Variants in DOCK2 observed in about 807,000 individuals in gnomAD.
DOCK2 encodes the protein dedicator of cytokinesis protein 2.
Under a neutral mutation model 248.9 loss-of-function variants are expected in DOCK2, and 87 were observed. The observed-to-expected ratio is 0.35, with a 90% CI of 0.29 to 0.42. The LOEUF (loss-of-function observed/expected upper bound fraction) is 0.42, where lower values mean the gene tolerates loss of function less well. DOCK2 is among the 10% of genes least tolerant of loss of function. DOCK2 has a pLI of 1.00. For synonymous variants in DOCK2, 805 were observed against 821.6 expected, an observed-to-expected ratio of 0.98 and a Z score of 0.35; for missense variants, 1,747 against 2,300.2, an observed-to-expected ratio of 0.76 and a Z score of 4.92.
At chr5:169,693,570 G>A (rs1760430186) in intron 9 of DOCK2, among the ~76,000 whole-genome samples, 1 of 152,176 alleles carries the variant, frequency 6.6e-6, no homozygotes, top group Admixed American at 6.5e-5. Context: ...GCAGGCCAGA[G>A]ACAAGGCTGT....
intron 22 of DOCK2, among the ~76,000 whole-genome samples, chr5:169,731,246 A>G (rs1051265220): frequency 6.6e-6 from 1 of 152,170 alleles, no homozygotes; most frequent in African/African-American, 2.4e-5. Context: ...CCCAAATCTC[A>G]TCTTGAATTG....
At position 169,763,705 on chromosome 5, in the gene DOCK2, T is replaced by G. The variant is rs1380788045; in HGVS notation, c.2554+2080T>G. Among the ~76,000 whole-genome samples the G allele has an allele frequency of 1.3e-5, 2 of 152,174 alleles. No individual in the cohort carries two copies. Among genetic ancestry groups the G allele is most frequent in the Non-Finnish European group, 2.9e-5 (2 of 68,028 alleles). Reference sequence around the variant, plus strand: ...TAGAAACCCTCTGATTAATATTAACTGACAGAAGGCCAGCCCTGGCGTTGT... The same window carrying G: ...TAGAAACCCTCTGATTAATATTAACGGACAGAAGGCCAGCCCTGGCGTTGT... On this transcript the variant is annotated intron_variant, in intron 25 of 51. Coordinates refer to ENST00000520908, the MANE Select transcript of DOCK2 (RefSeq NM_004946.3). This position sits in a 1 kb window ranked among gnomAD's most constrained non-coding sequence, Gnocchi z 4.1.
intron 22 of DOCK2, among the ~76,000 whole-genome samples, chr5:169,723,567 C>T (rs1183101774): frequency 3.3e-5 from 5 of 152,124 alleles, no homozygotes; most frequent in Admixed American, 3.3e-4. Context: ...CTGACTTTAT[C>T]TCCTGCTACT....
In DOCK2 at chr5:170,010,745, CTGTACAACAGCAGAG is replaced by C. The variant is rs1466490074; in HGVS notation, c.3232+2000_3232+2014del. On this transcript the variant is annotated intron_variant, in intron 32 of 51. Coordinates refer to ENST00000520908, the MANE Select transcript of DOCK2 (RefSeq NM_004946.3). ...TTCACTTCCAAGTTTGCATTCGTTG[CTGTACAACAGCAGAG>C]GCTGGAGAAAGCTGTGGCGGGCTTC... Among the ~76,000 whole-genome samples the C allele has an allele frequency of 8.5e-5, 13 of 152,348 alleles. 1 individual carries two copies. Among genetic ancestry groups the C allele is most frequent in the Admixed American group, 6.5e-4 (10 of 15,308 alleles).
chr5:169,687,801 C>A (rs1760074346), intron 8 of DOCK2, among the ~76,000 whole-genome samples: 1 of 152,184 alleles, frequency 6.6e-6, no homozygotes, highest in African/African-American at 2.4e-5. Context: ...CCTCATAAAA[C>A]CCTCCAATGG....
intron 27 of DOCK2, chr5:169,934,532 G>A (rs927063468): frequency 1.0e-4 from 43 of 416,690 alleles, no homozygotes; most frequent in Non-Finnish European, 2.0e-4. Context: ...ATTTCTTCCA[G>A]CCTAATTGTA....
At chr5:169,902,723 C>T (rs1161072222) in intron 27 of DOCK2, among the ~76,000 whole-genome samples, 1 of 152,136 alleles carries the variant, frequency 6.6e-6, no homozygotes, top group African/African-American at 2.4e-5. Context: ...CCTTAATCTG[C>T]AGAAAATGGG....
At chr5:170,081,762 C>G in intron 50 of DOCK2, 80 bp from the exon 51 acceptor site, 4 of 1,174,530 alleles carry the variant, frequency 3.4e-6, no homozygotes, top group South Asian at 1.6e-5. Flanking sequence ...TGTCCCCCAG[C>G]CCTCCCCCTG....
intron 23 of DOCK2, among the ~76,000 whole-genome samples, chr5:169,758,612 C>T (rs1764319595): frequency 6.6e-6 from 1 of 152,174 alleles, no homozygotes; most frequent in South Asian, 2.1e-4. Context: ...GAATTTGAAT[C>T]CTGGCTCTCC....
intron 27 of DOCK2, among the ~76,000 whole-genome samples, chr5:169,859,003 G>T (rs1009723977): frequency 3.9e-5 from 6 of 152,278 alleles, no homozygotes; most frequent in African/African-American, 1.2e-4. Context: ...GACAGAGTGA[G>T]ACCCTGTTTC....
rs770883239 is a variant in DOCK2, at chr5:169,883,186, T to A, written c.2799+42334T>A. 2.5e-5 allele frequency: 39 copies of A among 1,551,534 alleles called. 1 individual carries two copies. In the South Asian group the frequency reaches 4.5e-4, roughly 18 times the overall value. ...CCTTCTCCCATCACCTGGACGTGTGTCATCCAAAGGGTGTATGGAGTTACT... is the reference window on the plus strand; with the variant it reads ...CCTTCTCCCATCACCTGGACGTGTGACATCCAAAGGGTGTATGGAGTTACT... On this transcript the variant is annotated intron_variant, in intron 27 of 51. Transcript: ENST00000520908.
At chr5:169,670,899 A>G (rs1759014762) in intron 4 of DOCK2, among the ~76,000 whole-genome samples, 179 bp from the exon 5 acceptor site, 1 of 152,208 alleles carries the variant, frequency 6.6e-6, no homozygotes, top group South Asian at 2.1e-4. Flanking sequence ...GCGAAGGAGG[A>G]CATAACAAAG....
intron 22 of DOCK2, among the ~76,000 whole-genome samples, chr5:169,725,754 G>A (rs568605274): frequency 6.6e-6 from 1 of 152,110 alleles, no homozygotes; most frequent in South Asian, 2.1e-4. Flanking sequence ...AGAACATGCG[G>A]TGTTTGGTTT....
intron 27 of DOCK2, among the ~76,000 whole-genome samples, chr5:169,859,843 C>T (rs146149573): frequency 3.2e-4 from 49 of 152,196 alleles, no homozygotes; most frequent in African/African-American, 1.1e-3. Flanking sequence ...TTCCACACAA[C>T]AAGAATCTTT....
chr5:169,663,449 A>G (rs1436499696), intron 2 of DOCK2, among the ~76,000 whole-genome samples: 1 of 152,154 alleles, frequency 6.6e-6, no homozygotes, highest in Admixed American at 6.5e-5. Context: ...GGGGGCTCCA[A>G]CCCCACATTT....
intron 27 of DOCK2, among the ~76,000 whole-genome samples, chr5:169,916,186 AG>A: frequency 6.6e-6 from 1 of 152,336 alleles, no homozygotes; most frequent in Admixed American, 6.5e-5. Context: ...CTGAAAATAG[AG>A]TCTTTTAAGA....
chr5:169,896,071 G>C (rs1227891914), intron 27 of DOCK2, among the ~76,000 whole-genome samples: 1 of 152,076 alleles, frequency 6.6e-6, no homozygotes, highest in Admixed American at 6.5e-5. Flanking sequence ...CTGTTTCCCA[G>C]TCCCATGTCT....
chr5:169,952,078 G>T (rs1015783250), intron 27 of DOCK2, among the ~76,000 whole-genome samples: 4 of 152,100 alleles, frequency 2.6e-5, no homozygotes, highest in Admixed American at 6.5e-5. Context: ...AAGCCCCAAG[G>T]GTTTCTCCTA....
chr5:169,998,665 A>G (rs1754731102), intron 30 of DOCK2, among the ~76,000 whole-genome samples: 1 of 152,224 alleles, frequency 6.6e-6, no homozygotes, highest in Non-Finnish European at 1.5e-5. Flanking sequence ...CACCGAGCAC[A>G]TCAATGCAAA....
Sources: allele counts gnomAD v4.1 joint callset (sites outside exome capture counted in the v4.1 genomes callset), GRCh38; gene constraint gnomAD v4.1.1; non-coding constraint Gnocchi (gnomAD v3.1); transcripts MANE v1.5; gene names NCBI Gene and HGNC (gene_info 2026-07-23, HGNC 2026-07-21).